Variants in OCA2 observed in about 807,000 individuals in gnomAD.
OCA2 encodes the protein OCA2 melanosomal transmembrane protein.
OCA2 carries 77 observed loss-of-function variants against 100.2 expected under a neutral mutation model. The observed-to-expected ratio is 0.77, with a 90% CI of 0.64 to 0.93. The LOEUF (loss-of-function observed/expected upper bound fraction) is 0.93, where lower values mean the gene tolerates loss of function less well. Among genes scored for constraint, OCA2 ranks in the 40% least tolerant of loss-of-function variants. OCA2 has a pLI of 0.00. For synonymous variants in OCA2, 432 were observed against 439.2 expected (o/e 0.98, Z 0.21); for missense variants, 1,062 against 1,089.1 (o/e 0.98, Z 0.35).
chr15:27,792,421 G>A (rs1476614862), intron 23 of OCA2, among the ~76,000 whole-genome samples: 4 of 152,148 alleles, frequency 2.6e-5, no homozygotes, highest in Admixed American at 2.6e-4. Flanking sequence ...TTACATGGCA[G>A]TGGAAATCTA....
chr15:27,756,515 T>C (rs953937755), intron 23 of OCA2, among the ~76,000 whole-genome samples: 1 of 152,246 alleles, frequency 6.6e-6, no homozygotes, highest in African/African-American at 2.4e-5. Flanking sequence ...AGAACATATT[T>C]TGGGAAAACT....
At chr15:27,824,602 C>CTCTCTATATA in intron 23 of OCA2, among the ~76,000 whole-genome samples, 10 of 47,596 alleles carry the variant, frequency 2.1e-4, no homozygotes, top group Middle Eastern at 0.018. Flanking sequence ...CTCTCTCTCT[C>CTCTCTATATA]TATATATATA....
chr15:28,095,542 C>A lies in OCA2; in HGVS notation c.-22+3682G>T, dbSNP rs546049219. ...GACCAGGCTGACCAACATGGAGAAA[C>A]CCCGTCTCTACTAAAAATACAAAAA... On this transcript the variant is annotated intron_variant, in intron 1 of 23. Coordinates refer to ENST00000354638, the MANE Select transcript of OCA2 (RefSeq NM_000275.3). 5.3e-5 allele frequency among the ~76,000 whole-genome samples: 8 copies of A among 152,014 alleles called. No individual in the cohort carries two copies. In the South Asian group the frequency reaches 1.5e-3, roughly 28 times the overall value.
intron 23 of OCA2, among the ~76,000 whole-genome samples, chr15:27,777,843 T>C (rs578199611): frequency 1.3e-5 from 2 of 152,294 alleles, no homozygotes; most frequent in South Asian, 4.1e-4. Flanking sequence ...GACTGCCTTA[T>C]TATTTGCTGC....
intron 14 of OCA2, among the ~76,000 whole-genome samples, chr15:27,967,641 CCATCAGGGCTG>C (rs1166300929): frequency 2.6e-5 from 4 of 152,228 alleles, no homozygotes; most frequent in Non-Finnish European, 5.9e-5. Flanking sequence ...CACTCAGGGC[CCATCAGGGCTG>C]GGATCGCTTA....
At chr15:28,014,281 TC>T (rs1185581650) in intron 9 of OCA2, among the ~76,000 whole-genome samples, 1 of 152,150 alleles carries the variant, frequency 6.6e-6, no homozygotes, top group African/African-American at 2.4e-5. Flanking sequence ...GGACTTAAGA[TC>T]ACATGTGGAA....
rs566228655 is a variant in OCA2 at position 28,090,665 on chromosome 15, T to A, written c.-22+8559A>T. On this transcript the variant is annotated intron_variant, in intron 1 of 23. Coordinates refer to ENST00000354638, the MANE Select transcript of OCA2 (RefSeq NM_000275.3). ...TGAATGAAAGTGAAAATATAACATA[T>A]CAAAATTGACAGAACACAGCTAAAT... 4.1e-4 allele frequency among the ~76,000 whole-genome samples: 63 copies of A among 152,122 alleles called. No individual in the cohort carries two copies. The East Asian group carries it at 5.6e-3, about 14-fold the overall frequency.
rs766072141 is a variant in OCA2, at chr15:28,081,659, G to C, written c.216C>G (p.Leu72=). ...TATTTTAAACTCACCTCCCTTTTGT[G>C]AGGAATGAAGCAAACTCCTGGCCTG... The part of the protein sequence containing the change: ...APAGQEFASF[L]TKGRSHSSLP... Residue 72 remains leucine, a synonymous_variant, in exon 2 of 24, where the codon CTC becomes CTG. Coordinates refer to ENST00000354638, the MANE Select transcript of OCA2 (RefSeq NM_000275.3). 43 of 1,613,580 alleles carry C rather than the reference G, an allele frequency of 2.7e-5. 1 individual carries two copies. Among genetic ancestry groups the C allele is most frequent in the East Asian group, 1.6e-4 (7 of 44,892 alleles).
At chr15:28,033,026 G>T (rs920077106) in intron 2 of OCA2, among the ~76,000 whole-genome samples, 1 of 152,230 alleles carries the variant, frequency 6.6e-6, no homozygotes, top group Non-Finnish European at 1.5e-5. Flanking sequence ...GCAAAGCAAA[G>T]GTTTGCACTG....
intron 14 of OCA2, among the ~76,000 whole-genome samples, chr15:27,970,294 CA>C (rs3216770): frequency 0.52 from 77,145 of 149,456 alleles, 23,663 homozygotes; most frequent in Non-Finnish European, 0.71. Context: ...ACCAACAAAC[CA>C]AAAAAAAAAC....
At chr15:27,948,112 G>T (rs1318413508) in intron 18 of OCA2, among the ~76,000 whole-genome samples, 1 of 152,174 alleles carries the variant, frequency 6.6e-6, no homozygotes. Flanking sequence ...CCATGTCCTT[G>T]AGTCTAGCTG....
At chr15:28,029,898 A>G (rs1423319560) in intron 3 of OCA2, among the ~76,000 whole-genome samples, 1 of 152,228 alleles carries the variant, frequency 6.6e-6, no homozygotes, top group Non-Finnish European at 1.5e-5. Flanking sequence ...AAGCTGACCC[A>G]TGTTCTACTC....
rs1352685080 is a variant in OCA2 at position 28,070,050 on chromosome 15, C to T, written c.227+11598G>A. Among the ~76,000 whole-genome samples, 123 of 111,018 alleles carry T rather than the reference C, an allele frequency of 1.1e-3. 4 individuals are homozygous for T. Among genetic ancestry groups the T allele is most frequent in the African/African-American group, 7.5e-3 (107 of 14,348 alleles). 72.8% of individuals were successfully genotyped at this position (111,018 alleles called of 152,430 possible). The stretch of plus-strand genomic sequence containing the variant: ...TGAGATGTGGGGAGCGCCTCTGCCC[C>T]GCCGCCCCATCTGGGATGTGAGGAG... On this transcript the variant is annotated intron_variant, in intron 2 of 23. Coordinates refer to ENST00000354638, the MANE Select transcript of OCA2 (RefSeq NM_000275.3).
chr15:27,977,226 G>A (rs995116340), intron 14 of OCA2, among the ~76,000 whole-genome samples: 1 of 151,970 alleles, frequency 6.6e-6, no homozygotes, highest in African/African-American at 2.4e-5. Flanking sequence ...TGCTTTCGTT[G>A]ATGTTCCCTA....
chr15:28,014,171 G>A (rs369000236), intron 9 of OCA2, among the ~76,000 whole-genome samples: 33 of 152,308 alleles, frequency 2.2e-4, no homozygotes, highest in African/African-American at 7.9e-4. Flanking sequence ...CATAGTTAAA[G>A]CAACAACGGA....
rs1308611980 is a variant in OCA2, at chr15:27,954,934, G to T, written c.1842+224C>A. Among the ~76,000 whole-genome samples, 2 of 152,214 alleles carry T rather than the reference G, an allele frequency of 1.3e-5. 1 individual carries two copies. The highest frequency in any genetic ancestry group is 2.9e-5 in the Non-Finnish European group (2 of 68,038). On this transcript the variant is annotated intron_variant, in intron 17 of 23. Coordinates refer to ENST00000354638, the MANE Select transcript of OCA2 (RefSeq NM_000275.3). ...CTGCAACGTGCAGGGACAGGGAAAGGCTCTATAAAGATGTTTGCTTTCCAC... is the reference window on the plus strand; with the variant it reads ...CTGCAACGTGCAGGGACAGGGAAAGTCTCTATAAAGATGTTTGCTTTCCAC...
chr15:28,001,769 G>A (rs983608369), intron 9 of OCA2, among the ~76,000 whole-genome samples: 5 of 152,180 alleles, frequency 3.3e-5, no homozygotes, highest in Admixed American at 2.0e-4. Flanking sequence ...TGCAGCCCCA[G>A]AATGTGGTGC....
chr15:27,751,155 CA>C (rs1358849645), downstream of OCA2, among the ~76,000 whole-genome samples: 1 of 152,158 alleles, frequency 6.6e-6, no homozygotes, highest in Non-Finnish European at 1.5e-5. Context: ...CTCAGAGATC[CA>C]AAACATCCTC....
chr15:27,864,503 C>T (rs764833838), intron 21 of OCA2, among the ~76,000 whole-genome samples: 7 of 152,100 alleles, frequency 4.6e-5, no homozygotes, highest in Non-Finnish European at 7.4e-5. Flanking sequence ...GAGTGCTCTC[C>T]TGTGCCAGGT....
Sources: gnomAD v4.1 joint callset for allele counts (sites outside exome capture counted in the v4.1 genomes callset) on GRCh38, gnomAD v4.1.1 for gene constraint, MANE v1.5 for transcripts, NCBI Gene and HGNC (gene_info 2026-07-23, HGNC 2026-07-21) for gene names.